HK2: variants seen among roughly 807,000 people sequenced by gnomAD.
HK2 encodes hexokinase 2.
In HK2, 42 loss-of-function variants were observed where a neutral mutation model predicts 92.9. That is an observed-to-expected ratio of 0.45 (90% CI 0.35 to 0.58). The LOEUF is 0.58. Among genes scored for constraint, HK2 ranks in the 20% least tolerant of loss-of-function variants. The probability of loss-of-function intolerance (pLI) is 0.00; values close to 1 mark genes in which losing one functional copy is unlikely to be tolerated. For synonymous variants in HK2, 422 were observed against 468.0 expected, an observed-to-expected ratio of 0.90 and a Z score of 1.27; for missense variants, 978 against 1,245.1, an observed-to-expected ratio of 0.79 and a Z score of 3.23.
chr2:74,854,424 C>T lies in HK2; in HGVS notation c.195C>T (p.Pro65=), dbSNP rs369629969. The change falls in exon 2 of 18, where the codon CCC becomes CCT. Residue 65 remains proline (P), a synonymous_variant. Coordinates refer to ENST00000290573, the MANE Select transcript of HK2 (RefSeq NM_000189.5). ...THPTAAVKML[P]TFVRSTPDGT... ...CTACTGCAGCAGTGAAGATGCTGCC[C>T]ACCTTTGTGAGGTCCACTCCAGATG... 3.1e-6 allele frequency: 5 copies of T among 1,614,080 alleles called. No homozygotes were observed. The African/African-American group carries it at 5.3e-5, about 17-fold the overall frequency.
chr2:74,872,225 G>A, intron 3 of HK2, 75 bp from the exon 4 acceptor site: 1 of 1,507,966 alleles, frequency 6.6e-7, no homozygotes. Flanking sequence ...GTTACGTGCT[G>A]AGCCTGAAGT....
chr2:74,838,986 T>TGGTG lies in HK2; in HGVS notation c.63+4344_63+4347dup, dbSNP rs1356333121. On this transcript the variant is annotated intron_variant, in intron 1 of 17. Coordinates refer to ENST00000290573, the MANE Select transcript of HK2 (RefSeq NM_000189.5). ...CCAAATTGTTTTAATACGCATAGAC[T>TGGTG]GGTGACATTTGCACTGGAATCCTGT... 2.6e-5 allele frequency among the ~76,000 whole-genome samples: 4 copies of TGGTG among 152,334 alleles called. No individual in the cohort carries two copies. In the East Asian group the frequency reaches 7.7e-4, roughly 29 times the overall value.
chr2:74,848,089 T>C (rs1200990541), intron 1 of HK2, among the ~76,000 whole-genome samples: 2 of 152,226 alleles, frequency 1.3e-5, no homozygotes, highest in African/African-American at 4.8e-5. Flanking sequence ...CCTGAGCCTT[T>C]TCACACTGCT....
At chr2:74,845,917 G>C (rs1688423738) in intron 1 of HK2, among the ~76,000 whole-genome samples, 1 of 152,220 alleles carries the variant, frequency 6.6e-6, no homozygotes, top group South Asian at 2.1e-4. Context: ...GCCTTCCCAG[G>C]AGGAGTCTGT....
At chr2:74,864,608 G>C (rs1050626211) in intron 2 of HK2, among the ~76,000 whole-genome samples, 1 of 152,166 alleles carries the variant, frequency 6.6e-6, no homozygotes, top group Non-Finnish European at 1.5e-5. Flanking sequence ...CTGGGTTCTA[G>C]TGATTCTCTT....
intron 10 of HK2, 29 bp downstream of exon 10, chr2:74,880,598 C>G (rs540773896): frequency 1.2e-6 from 2 of 1,606,670 alleles, no homozygotes; most frequent in East Asian, 4.5e-5. Flanking sequence ...ACCTGGCTCA[C>G]ATGGTGGGCC....
chr2:74,876,141 G>T (rs755906866), intron 7 of HK2, among the ~76,000 whole-genome samples: 2 of 152,166 alleles, frequency 1.3e-5, no homozygotes, highest in Admixed American at 6.5e-5. Context: ...TAAAATGCGC[G>T]CTGTCATCTT....
intron 1 of HK2, among the ~76,000 whole-genome samples, chr2:74,849,037 T>C (rs193117576): frequency 1.1e-3 from 170 of 152,370 alleles, no homozygotes; most frequent in Non-Finnish European, 1.8e-3. Context: ...TGGCCCACCC[T>C]GCACACTGCA....
chr2:74,885,510 G>T lies in HK2; in HGVS notation c.1856G>T (p.Trp619Leu). The change falls in exon 13 of 18, where the codon TGG becomes TTG. Residue 619 changes from tryptophan to leucine, a missense_variant. Trp to Leu is a moderately conservative substitution (Grantham distance 61). Around this residue, in one of 3 missense-constraint regions of HK2, gnomAD observed 742 missense variants for 922.5 expected, o/e 0.80. Transcript: ENST00000290573. ...NSLDESILLK[W>L]TKGFKASGCE... ...GATTTTTAGAGCATCCTCCTCAAGT[G>T]GACAAAAGGCTTCAAGGCATCTGGC... 6.2e-7 allele frequency: 1 copy of T among 1,613,396 alleles called. No homozygotes were observed. Among genetic ancestry groups the T allele is most frequent in the Non-Finnish European group, 8.5e-7 (1 of 1,179,444 alleles).
chr2:74,881,890 C>T (rs555446140), intron 11 of HK2, 31 bp downstream of exon 11: 1 of 1,611,406 alleles, frequency 6.2e-7, no homozygotes, highest in Non-Finnish European at 8.5e-7. Flanking sequence ...AGGAGGGGGC[C>T]CCTGGTGGAC....
chr2:74,865,835 G>A (rs1295757696), intron 2 of HK2, among the ~76,000 whole-genome samples: 2 of 152,094 alleles, frequency 1.3e-5, no homozygotes, highest in Non-Finnish European at 2.9e-5. Context: ...GACAGGGTCT[G>A]CCTAGAGCCC....
chr2:74,867,021 G>T (rs928951231), intron 2 of HK2, among the ~76,000 whole-genome samples: 1 of 152,132 alleles, frequency 6.6e-6, no homozygotes, highest in African/African-American at 2.4e-5. Flanking sequence ...TGGTGTTCTG[G>T]GGGTATGAGG....
chr2:74,839,840 G>A (rs1688259988), intron 1 of HK2, among the ~76,000 whole-genome samples: 2 of 150,466 alleles, frequency 1.3e-5, no homozygotes, highest in Admixed American at 1.3e-4. Context: ...TTTTAGTAGA[G>A]ATGGGGTTTC....
chr2:74,841,760 C>A (rs1293372344), intron 1 of HK2, among the ~76,000 whole-genome samples: 1 of 152,202 alleles, frequency 6.6e-6, no homozygotes, highest in Non-Finnish European at 1.5e-5. Context: ...AGAAAGCCAG[C>A]AAGAGGAGTT....
intron 12 of HK2, among the ~76,000 whole-genome samples, chr2:74,883,503 G>A (rs1689450459): frequency 6.6e-6 from 1 of 152,212 alleles, no homozygotes; most frequent in Non-Finnish European, 1.5e-5. Flanking sequence ...GGCCAGCGCA[G>A]AAGAGCCTAC....
chr2:74,858,050 C>A (rs899907108), intron 2 of HK2, among the ~76,000 whole-genome samples: 5 of 152,212 alleles, frequency 3.3e-5, no homozygotes, highest in Non-Finnish European at 5.9e-5. Flanking sequence ...AGAAACCAAA[C>A]CCCAGATCTA....
intron 1 of HK2, among the ~76,000 whole-genome samples, chr2:74,835,690 T>C (rs891120821): frequency 3.3e-5 from 5 of 152,164 alleles, no homozygotes; most frequent in African/African-American, 1.2e-4. Context: ...GATTAGGGGA[T>C]TGGCTCCTGG....
chr2:74,874,532 C>G (rs1361392388), intron 7 of HK2, 83 bp downstream of exon 7: 1 of 1,339,626 alleles, frequency 7.5e-7, no homozygotes, highest in East Asian at 2.5e-5. Context: ...GGGGTTGTTT[C>G]TTTACAGTCT....
intron 1 of HK2, among the ~76,000 whole-genome samples, chr2:74,853,739 C>G (rs1187250983): frequency 6.6e-6 from 1 of 150,654 alleles, no homozygotes; most frequent in Non-Finnish European, 1.5e-5. Flanking sequence ...GCTAGAGGCC[C>G]GATCATGTGG....
Sources: allele counts gnomAD v4.1 joint callset (sites outside exome capture counted in the v4.1 genomes callset), GRCh38; gene constraint gnomAD v4.1.1; regional missense constraint gnomAD v4.1.1; transcripts MANE v1.5; gene names NCBI Gene and HGNC (gene_info 2026-07-23, HGNC 2026-07-21).